Variants in NYAP2 observed in about 807,000 individuals in gnomAD.
NYAP2 encodes the protein neuronal tyrosine-phosphorylated phosphoinositide-3-kinase adaptor 2.
A neutral mutation model predicts 50.4 loss-of-function variants in NYAP2; 23 were observed. The ratio of observed to expected loss-of-function variants is 0.46; its 90% CI spans 0.33 to 0.65. The LOEUF is 0.65. Among genes scored for constraint, NYAP2 ranks in the 30% least tolerant of loss-of-function variants. NYAP2 has a pLI of 0.02. For synonymous variants in NYAP2, 394 were observed against 365.2 expected (o/e 1.08, Z -0.90); for missense variants, 885 against 861.0 (o/e 1.03, Z -0.35).
At chr2:225,624,341 G>A (rs982241986) in intron 5 of NYAP2, among the ~76,000 whole-genome samples, 17 of 152,172 alleles carry the variant, frequency 1.1e-4, no homozygotes, top group African/African-American at 3.9e-4. Context: ...TGGCAGGTAA[G>A]CACACTAGAA....
At chr2:225,625,658 C>T (rs1366731375) in intron 5 of NYAP2, among the ~76,000 whole-genome samples, 2 of 151,950 alleles carry the variant, frequency 1.3e-5, no homozygotes, top group Admixed American at 1.3e-4. Flanking sequence ...GAGGAAGAAC[C>T]TACAACCAAT....
chr2:225,426,694 T>G (rs1695293356), intron 3 of NYAP2, among the ~76,000 whole-genome samples: 1 of 152,214 alleles, frequency 6.6e-6, no homozygotes, highest in Non-Finnish European at 1.5e-5. Context: ...TTTGTTCACT[T>G]TTAATAAGAC....
At chr2:225,634,264 G>C (rs1693373086) in intron 6 of NYAP2, among the ~76,000 whole-genome samples, 2 of 152,160 alleles carry the variant, frequency 1.3e-5, no homozygotes, top group Admixed American at 6.5e-5. Context: ...GTTTGCATAG[G>C]CTGGGCTTTA....
chr2:225,654,562 T>C (rs531351340), downstream of NYAP2, among the ~76,000 whole-genome samples: 1 of 152,170 alleles, frequency 6.6e-6, no homozygotes, highest in South Asian at 2.1e-4. Flanking sequence ...CACACACCTG[T>C]AATCCCAGCT....
rs182184087 is a variant in NYAP2, at chr2:225,631,200, C to T, written c.1828+4074C>T. Among the ~76,000 whole-genome samples the T allele has an allele frequency of 9.2e-5, 14 of 152,192 alleles. No individual in the cohort carries two copies. The East Asian group carries it at 2.3e-3, about 25-fold the overall frequency. On this transcript the variant is annotated intron_variant, in intron 6 of 6. Coordinates refer to ENST00000636099, the Ensembl canonical transcript of NYAP2. ...TACATATAGTTTGATAAACATGTACCGTACAGTGTCTTTACACTTTGATAT... is the reference window on the plus strand; with the variant it reads ...TACATATAGTTTGATAAACATGTACTGTACAGTGTCTTTACACTTTGATAT...
chr2:225,660,410 C>T, the NYAP2 span, among the ~76,000 whole-genome samples: 4 of 146,674 alleles, frequency 2.7e-5, no homozygotes, highest in African/African-American at 1.0e-4. Flanking sequence ...CTGCTAGGGT[C>T]GGGACAGCAG....
At chr2:225,671,565 A>G in the NYAP2 span, among the ~76,000 whole-genome samples, 2 of 152,130 alleles carry the variant, frequency 1.3e-5, no homozygotes, top group Non-Finnish European at 2.9e-5. Context: ...GTTGAGATCA[A>G]CTTCTTCCAA....
chr2:225,620,992 T>C (rs954616072), intron 5 of NYAP2, among the ~76,000 whole-genome samples: 6 of 151,656 alleles, frequency 4.0e-5, no homozygotes, highest in Non-Finnish European at 5.9e-5. Context: ...TGGGCGCCTG[T>C]AGTCCCAGCT....
At chr2:225,562,528 T>G (rs1264917877) in intron 4 of NYAP2, among the ~76,000 whole-genome samples, 4 of 152,136 alleles carry the variant, frequency 2.6e-5, no homozygotes. Context: ...AAAGGATCCA[T>G]ATCTCCAAGG....
At chr2:225,443,157 G>T (rs1424756757) in intron 3 of NYAP2, among the ~76,000 whole-genome samples, 1 of 152,148 alleles carries the variant, frequency 6.6e-6, no homozygotes, top group Non-Finnish European at 1.5e-5. Context: ...TGAGATTTGG[G>T]TTGGGACACA....
upstream of NYAP2, among the ~76,000 whole-genome samples, chr2:225,397,947 A>AAG (rs1559169269): frequency 3.3e-5 from 5 of 150,544 alleles, no homozygotes; most frequent in South Asian, 2.1e-4. Flanking sequence ...AAGGAAGGAA[A>AAG]GAAAGAAAAA....
chr2:225,486,359 A>G (rs934747369), intron 3 of NYAP2, among the ~76,000 whole-genome samples: 4 of 152,216 alleles, frequency 2.6e-5, no homozygotes, highest in African/African-American at 2.4e-5. Context: ...ATGGGAGTGC[A>G]TGAGCTGAAA....
chr2:225,421,180 G>A (rs1695209132), intron 3 of NYAP2, among the ~76,000 whole-genome samples: 1 of 152,160 alleles, frequency 6.6e-6, no homozygotes, highest in Non-Finnish European at 1.5e-5. Context: ...CAAACGCTGA[G>A]GAGACAGGCA....
intron 3 of NYAP2, among the ~76,000 whole-genome samples, chr2:225,410,487 A>G (rs1695020079): frequency 6.6e-6 from 1 of 151,724 alleles, no homozygotes; most frequent in Admixed American, 6.6e-5. Flanking sequence ...ATTTAACTTT[A>G]GTTTTATGAA....
the NYAP2 span, among the ~76,000 whole-genome samples, chr2:225,659,954 T>C: frequency 6.6e-6 from 1 of 152,198 alleles, no homozygotes; most frequent in East Asian, 1.9e-4. Flanking sequence ...AAGGAATGAT[T>C]GGTCCACCCC....
At chr2:225,533,941 C>A (rs556214507) in intron 4 of NYAP2, among the ~76,000 whole-genome samples, 71 of 152,196 alleles carry the variant, frequency 4.7e-4, no homozygotes, top group Middle Eastern at 3.4e-3. Flanking sequence ...TCTTAACTGG[C>A]AGGTTATCCT....
At chr2:225,430,713 C>A (rs1218494052) in intron 3 of NYAP2, among the ~76,000 whole-genome samples, 2 of 44,888 alleles carry the variant, frequency 4.5e-5, no homozygotes, top group Non-Finnish European at 4.5e-5. Flanking sequence ...AACTAGAATG[C>A]TATTTTTTTT....
intron 3 of NYAP2, among the ~76,000 whole-genome samples, chr2:225,486,872 C>G (rs974173209): frequency 6.6e-6 from 1 of 152,190 alleles, no homozygotes; most frequent in Non-Finnish European, 1.5e-5. Context: ...CAGCTATTCC[C>G]TAGAATTCCC....
At chr2:225,596,436 T>C (rs1692598808) in intron 5 of NYAP2, among the ~76,000 whole-genome samples, 1 of 152,204 alleles carries the variant, frequency 6.6e-6, no homozygotes. Context: ...ATAAAGTGTA[T>C]GCTCAGCATG....
Sources: gnomAD v4.1 joint callset for allele counts (sites outside exome capture counted in the v4.1 genomes callset) on GRCh38, gnomAD v4.1.1 for gene constraint, MANE v1.5 for transcripts, NCBI Gene and HGNC (gene_info 2026-07-23, HGNC 2026-07-21) for gene names.